Variants in MTA3 observed in about 807,000 individuals in gnomAD.
MTA3 encodes metastasis associated 1 family member 3.
MTA3 carries 34 observed loss-of-function variants against 83.5 expected under a neutral mutation model. That is an observed-to-expected ratio of 0.41 (90% CI 0.31 to 0.54). MTA3 has a LOEUF of 0.54. Ranked by LOEUF, MTA3 falls within the 20% of genes least tolerant of loss-of-function variation. The pLI is 0.33. For missense variants in MTA3, 761 were observed against 726.4 expected, an observed-to-expected ratio of 1.05 and a Z score of -0.55; for synonymous variants, 303 against 252.7, an observed-to-expected ratio of 1.20 and a Z score of -1.89.
intron 7 of MTA3, among the ~76,000 whole-genome samples, chr2:42,658,192 T>C (rs915439721): frequency 1.3e-5 from 2 of 151,796 alleles, no homozygotes; most frequent in African/African-American, 4.8e-5. Context: ...TGCTAAGCAT[T>C]GATCAAGATT....
At chr2:42,601,448 T>A (rs1223491210) in intron 3 of MTA3, among the ~76,000 whole-genome samples, 1 of 152,236 alleles carries the variant, frequency 6.6e-6, no homozygotes, top group African/African-American at 2.4e-5. Flanking sequence ...CTCACAACAC[T>A]GTGTAAGCAC....
At chr2:42,726,511 C>G (rs528271912) in intron 16 of MTA3, among the ~76,000 whole-genome samples, 9 of 152,080 alleles carry the variant, frequency 5.9e-5, no homozygotes, top group African/African-American at 1.9e-4. Context: ...CCCACTCCCC[C>G]CAACCCACAA....
chr2:42,571,386 CAAAAAAAAAAA>C (rs34003791), intron 2 of MTA3, among the ~76,000 whole-genome samples: 17 of 63,808 alleles, frequency 2.7e-4, no homozygotes, highest in Non-Finnish European at 4.9e-4. Context: ...AACACTGTCT[CAAAAAAAAAAA>C]AAAAAAAAAA....
intron 16 of MTA3, among the ~76,000 whole-genome samples, chr2:42,725,149 G>C (rs1249090316): frequency 6.6e-6 from 1 of 152,252 alleles, no homozygotes; most frequent in Admixed American, 6.5e-5. Context: ...CATGACAGGA[G>C]GTTCTGGGAG....
At chr2:42,618,333 A>T (rs1287690841) in intron 4 of MTA3, among the ~76,000 whole-genome samples, 1 of 152,188 alleles carries the variant, frequency 6.6e-6, no homozygotes, top group Non-Finnish European at 1.5e-5. Context: ...ACTTAGGGGA[A>T]CATATTTCAA....
chr2:42,697,948 C>T, intron 11 of MTA3, 114 bp downstream of exon 11: 1 of 670,052 alleles, frequency 1.5e-6, no homozygotes, highest in Non-Finnish European at 2.4e-6. Flanking sequence ...CTTTCTTCTT[C>T]TACAAAGCAT....
chr2:42,695,652 A>AG, intron 9 of MTA3, 113 bp from the exon 10 acceptor site: 2 of 462,644 alleles, frequency 4.3e-6, no homozygotes, highest in South Asian at 3.0e-5. Context: ...AAAAAAAAAA[A>AG]AAAAAAAAAG....
At position 42,682,575 on chromosome 2, in the gene MTA3, A is replaced by G. The variant is rs773829018; in HGVS notation, c.877A>G (p.Ile293Val). 24 of 1,610,354 alleles carry G rather than the reference A, an allele frequency of 1.5e-5. No homozygotes were observed. The highest frequency in any genetic ancestry group is 1.0e-4 in the South Asian group (9 of 90,144). ...LEKYGKDFND[I>V]RQDFLPWKSL... is the part of the protein sequence containing the mutation. ...AAAATATGGCAAAGACTTCAATGACATACGGCAAGATTTTGTAAGTAGAAA... is the reference window on the plus strand; with the variant it reads ...AAAATATGGCAAAGACTTCAATGACGTACGGCAAGATTTTGTAAGTAGAAA... Residue 293 changes from isoleucine to valine, a missense_variant, in exon 9 of 17, where the codon ATA becomes GTA. By Grantham distance (29) the Ile-to-Val change is conservative. Transcript: ENST00000405094.
intron 2 of MTA3, among the ~76,000 whole-genome samples, chr2:42,524,458 G>A (rs563938335): frequency 6.8e-4 from 99 of 146,068 alleles, no homozygotes; most frequent in Non-Finnish European, 3.1e-4. Context: ...CCGCCACCAC[G>A]CCTGGCTAGT....
At chr2:42,682,143 G>GGCT (rs1004519355) in intron 8 of MTA3, among the ~76,000 whole-genome samples, 5 of 152,082 alleles carry the variant, frequency 3.3e-5, no homozygotes. Flanking sequence ...AGAAGGTTGA[G>GGCT]GCTGCTGCTG....
At chr2:42,729,248 C>T (rs1252306373) in intron 16 of MTA3, among the ~76,000 whole-genome samples, 1 of 151,560 alleles carries the variant, frequency 6.6e-6, no homozygotes, top group Non-Finnish European at 1.5e-5. Context: ...AGGCGCCCAC[C>T]ACCACGCCCG....
intron 14 of MTA3, 103 bp downstream of exon 14, chr2:42,709,199 A>C: frequency 6.8e-7 from 1 of 1,474,096 alleles, no homozygotes; most frequent in African/African-American, 1.4e-5. Flanking sequence ...CAATAAACAT[A>C]AGTTCTTGTG....
At chr2:42,584,963 G>C (rs570044840) in intron 3 of MTA3, among the ~76,000 whole-genome samples, 3 of 151,116 alleles carry the variant, frequency 2.0e-5, no homozygotes, top group South Asian at 4.2e-4. Context: ...ACAGAGTCTC[G>C]CTCTGTCACC....
intron 11 of MTA3, among the ~76,000 whole-genome samples, chr2:42,700,177 G>A (rs1172114303): frequency 6.6e-6 from 1 of 151,990 alleles, no homozygotes; most frequent in Non-Finnish European, 1.5e-5. Context: ...GAGAGAGGGA[G>A]TGTATAATGT....
intron 9 of MTA3, among the ~76,000 whole-genome samples, chr2:42,694,244 T>C (rs1693172135): frequency 6.6e-6 from 1 of 152,036 alleles, no homozygotes; most frequent in African/African-American, 2.4e-5. Flanking sequence ...GTGCAATCAC[T>C]CCTTTAGCCA....
chr2:42,645,842 A>G (rs181674304), intron 6 of MTA3, among the ~76,000 whole-genome samples: 5 of 152,354 alleles, frequency 3.3e-5, no homozygotes, highest in Admixed American at 3.3e-4. Context: ...ACGTTATCCA[A>G]AACTAGCTAA....
chr2:42,608,311 A>G (rs558926716), intron 3 of MTA3, among the ~76,000 whole-genome samples: 182 of 152,364 alleles, frequency 1.2e-3, no homozygotes, highest in African/African-American at 3.8e-3. Context: ...AACTTTATCA[A>G]TCTTCACTGG....
At chr2:42,674,221 A>G (rs1483981913) in intron 8 of MTA3, among the ~76,000 whole-genome samples, 1 of 152,248 alleles carries the variant, frequency 6.6e-6, no homozygotes, top group African/African-American at 2.4e-5. Flanking sequence ...GGCCAAGCCC[A>G]ACATCAGTGG....
chr2:42,621,040 A>G (rs1456433528), intron 4 of MTA3, among the ~76,000 whole-genome samples: 1 of 148,072 alleles, frequency 6.8e-6, no homozygotes, highest in Non-Finnish European at 1.5e-5. Context: ...GTAAATATAC[A>G]ATTTTTATTT....
Sources: allele counts gnomAD v4.1 joint callset (sites outside exome capture counted in the v4.1 genomes callset), GRCh38; gene constraint gnomAD v4.1.1; transcripts MANE v1.5; gene names NCBI Gene and HGNC (gene_info 2026-07-23, HGNC 2026-07-21).